FUT9: variants seen among roughly 807,000 people sequenced by gnomAD.
The protein encoded by FUT9 is 4-galactosyl-N-acetylglucosaminide 3-alpha-L-fucosyltransferase 9.
In FUT9, 15 loss-of-function variants were observed where a neutral mutation model predicts 29.7. The ratio of observed to expected loss-of-function variants is 0.51; its 90% CI spans 0.34 to 0.78. FUT9 has a LOEUF of 0.78. Among genes scored for constraint, FUT9 ranks in the 30% least tolerant of loss-of-function variants. The pLI is 0.01. For synonymous variants in FUT9, 169 were observed against 153.7 expected (o/e 1.10, Z -0.74); for missense variants, 319 against 425.4 (o/e 0.75, Z 2.20).
intron 2 of FUT9, among the ~76,000 whole-genome samples, chr6:96,186,919 G>A (rs191473258): frequency 2.7e-4 from 41 of 152,198 alleles, no homozygotes; most frequent in African/African-American, 9.4e-4. Context: ...GCCAATTTAA[G>A]TGCTAATCTT....
At chr6:96,133,140 C>A (rs1772278687) in intron 2 of FUT9, among the ~76,000 whole-genome samples, 1 of 151,702 alleles carries the variant, frequency 6.6e-6, no homozygotes, top group Admixed American at 6.6e-5. Context: ...ATAATAATAA[C>A]AACAATATTC....
chr6:96,074,089 C>A (rs1771106469), intron 1 of FUT9, among the ~76,000 whole-genome samples: 1 of 152,148 alleles, frequency 6.6e-6, no homozygotes, highest in African/African-American at 2.4e-5. Flanking sequence ...GATTCCAGTT[C>A]TAAAAACCTG....
At chr6:96,109,706 G>T (rs958836062) in intron 1 of FUT9, among the ~76,000 whole-genome samples, 1 of 152,124 alleles carries the variant, frequency 6.6e-6, no homozygotes, top group Non-Finnish European at 1.5e-5. Context: ...CTTTGAACTG[G>T]CTACTGCTTC....
In FUT9 at chr6:96,160,724, G is replaced by A. The variant is rs1011715316; in HGVS notation, c.-8-42424G>A. ...GCTCTTATCTATGGAAATAGGCTTT[G>A]GTGATAACATGGAAAAATGAAAATG... On this transcript the variant is annotated intron_variant, in intron 2 of 2. Transcript: ENST00000302103. 5.3e-5 allele frequency among the ~76,000 whole-genome samples: 8 copies of A among 152,124 alleles called. No individual in the cohort carries two copies. In the East Asian group the frequency reaches 5.8e-4, roughly 11 times the overall value.
At chr6:96,142,209 T>C (rs1772476140) in intron 2 of FUT9, among the ~76,000 whole-genome samples, 1 of 152,200 alleles carries the variant, frequency 6.6e-6, no homozygotes, top group African/African-American at 2.4e-5. Flanking sequence ...AATTTCTAGG[T>C]CCTGAAGTTC....
At chr6:96,160,914 C>T (rs1772888105) in intron 2 of FUT9, among the ~76,000 whole-genome samples, 1 of 151,964 alleles carries the variant, frequency 6.6e-6, no homozygotes, top group Non-Finnish European at 1.5e-5. Context: ...GGGTGACGGA[C>T]AGAAATAATG....
chr6:96,091,532 G>T (rs1771411890), intron 1 of FUT9, among the ~76,000 whole-genome samples: 1 of 152,064 alleles, frequency 6.6e-6, no homozygotes. Context: ...AATTATCATT[G>T]CCTTTATGGG....
chr6:96,135,657 G>A (rs753886510), intron 2 of FUT9, among the ~76,000 whole-genome samples: 2 of 151,490 alleles, frequency 1.3e-5, no homozygotes, highest in African/African-American at 4.8e-5. Flanking sequence ...GGAGAAAGAA[G>A]TGGGAGGGGA....
In FUT9 at chr6:96,048,774, A is replaced by G. The variant is rs1315982572; in HGVS notation, c.-98+32562A>G. ...ACGTCCTAAGTGCCAGTTGTGGGAAATGAGAGGGGGGGAACTGACCAAGTA... is the reference window on the plus strand; with the variant it reads ...ACGTCCTAAGTGCCAGTTGTGGGAAGTGAGAGGGGGGGAACTGACCAAGTA... On this transcript the variant is annotated intron_variant, in intron 1 of 2. Transcript: ENST00000302103. Among the ~76,000 whole-genome samples, 2 of 152,158 alleles carry G rather than the reference A, an allele frequency of 1.3e-5. 1 individual carries two copies. The highest frequency in any genetic ancestry group is 4.8e-5 in the African/African-American group (2 of 41,448).
At chr6:96,135,525 T>A (rs1416000233) in intron 2 of FUT9, among the ~76,000 whole-genome samples, 1 of 151,822 alleles carries the variant, frequency 6.6e-6, no homozygotes, top group Admixed American at 6.6e-5. Context: ...TCACCATGAT[T>A]CAACATAAAA....
intron 1 of FUT9, among the ~76,000 whole-genome samples, chr6:96,063,492 A>C (rs896176841): frequency 1.3e-5 from 2 of 152,170 alleles, no homozygotes; most frequent in Non-Finnish European, 2.9e-5. Context: ...TACCAAGGGA[A>C]TAGCTCAAGC....
chr6:96,142,217 T>A (rs1026717698), intron 2 of FUT9, among the ~76,000 whole-genome samples: 2 of 152,194 alleles, frequency 1.3e-5, no homozygotes, highest in Non-Finnish European at 2.9e-5. Flanking sequence ...GGTCCTGAAG[T>A]TCATCAGTAC....
At position 96,203,129 on chromosome 6, in the gene FUT9, G is replaced by C. The variant is rs1381753279; in HGVS notation, c.-8-19G>C. ...CATTCCCACCGCTACCTCCCCTTCT[G>C]TCTTTCTCTATTTCGTAGGAAAAAT... On this transcript the variant is annotated intron_variant, in intron 2 of 2. Transcript: ENST00000302103. The C allele has an allele frequency of 6.4e-7, 1 of 1,558,714 alleles. No homozygotes were observed. Among genetic ancestry groups the C allele is most frequent in the Admixed American group, 1.8e-5 (1 of 55,376 alleles).
At chr6:96,043,195 G>A (rs1214790160) in intron 1 of FUT9, among the ~76,000 whole-genome samples, 1 of 152,140 alleles carries the variant, frequency 6.6e-6, no homozygotes, top group Non-Finnish European at 1.5e-5. Flanking sequence ...GGGACTACAG[G>A]CGCCCACCAC....
chr6:96,116,548 G>T (rs1202352962), intron 2 of FUT9, among the ~76,000 whole-genome samples: 4 of 152,074 alleles, frequency 2.6e-5, no homozygotes, highest in Non-Finnish European at 5.9e-5. Context: ...GTCTTCAGCT[G>T]GTAAATGAAT....
At chr6:96,068,101 C>T (rs541575454) in intron 1 of FUT9, among the ~76,000 whole-genome samples, 1 of 152,054 alleles carries the variant, frequency 6.6e-6, no homozygotes, top group South Asian at 2.1e-4. Context: ...ATGAATCCAA[C>T]TTTGGATTAA....
At chr6:96,105,923 T>C (rs1313441711) in intron 1 of FUT9, among the ~76,000 whole-genome samples, 3 of 152,200 alleles carry the variant, frequency 2.0e-5, no homozygotes, top group African/African-American at 4.8e-5. Flanking sequence ...ATGATTCTTA[T>C]GCCTATTAAA....
intron 2 of FUT9, among the ~76,000 whole-genome samples, chr6:96,148,218 T>C (rs577408757): frequency 6.6e-6 from 1 of 152,290 alleles, no homozygotes; most frequent in South Asian, 2.1e-4. Flanking sequence ...ATCTAAGTTC[T>C]AGCTGATTAA....
At chr6:96,195,578 A>G (rs1450998859) in intron 2 of FUT9, among the ~76,000 whole-genome samples, 1 of 152,196 alleles carries the variant, frequency 6.6e-6, no homozygotes, top group Non-Finnish European at 1.5e-5. Flanking sequence ...AGAGAGGTTC[A>G]ATAGAATTTG....
Sources: gnomAD v4.1 joint callset for allele counts (sites outside exome capture counted in the v4.1 genomes callset) on GRCh38, gnomAD v4.1.1 for gene constraint, MANE v1.5 for transcripts, NCBI Gene and HGNC (gene_info 2026-07-23, HGNC 2026-07-21) for gene names.